RAP1GAP2: variants seen among roughly 807,000 people sequenced by gnomAD.
RAP1GAP2 encodes the protein rap1 GTPase-activating protein 2.
RAP1GAP2 carries 27 observed loss-of-function variants against 95.0 expected under a neutral mutation model. The observed-to-expected ratio is 0.28, with a 90% CI of 0.21 to 0.39. The LOEUF (loss-of-function observed/expected upper bound fraction) is 0.39, where lower values mean the gene tolerates loss of function less well. RAP1GAP2 is among the 10% of genes least tolerant of loss of function. The probability of loss-of-function intolerance (pLI) is 1.00; values close to 1 mark genes in which losing one functional copy is unlikely to be tolerated. For missense variants in RAP1GAP2, 771 were observed against 970.0 expected (o/e 0.79, Z 2.72); for synonymous variants, 373 against 380.9 (o/e 0.98, Z 0.24).
At chr17:2,837,607 C>CTT (rs36019609) in intron 2 of RAP1GAP2, among the ~76,000 whole-genome samples, 3 of 122,166 alleles carry the variant, frequency 2.5e-5, no homozygotes, top group Admixed American at 8.5e-5. Flanking sequence ...AGCCCTGCTT[C>CTT]TTTTTTTTTT....
At position 2,892,482 on chromosome 17, in the gene RAP1GAP2, G is replaced by A. The variant is rs531620007; in HGVS notation, c.81-12802G>A. 2.0e-4 allele frequency among the ~76,000 whole-genome samples: 30 copies of A among 152,218 alleles called. No homozygotes were observed. In the South Asian group the frequency reaches 4.4e-3, roughly 22 times the overall value. On this transcript the variant is annotated intron_variant, in intron 2 of 24. Coordinates refer to ENST00000254695, the MANE Select transcript of RAP1GAP2 (RefSeq NM_015085.5). ...GGCTCAGATGGCTGGAGATGACTGC[G>A]ACGGTCCACTGGGGCTGTATGTCCG...
chr17:2,798,643 T>G (rs2069160652), intron 1 of RAP1GAP2, among the ~76,000 whole-genome samples: 1 of 14,982 alleles, frequency 6.7e-5, no homozygotes, highest in African/African-American at 2.6e-4. Flanking sequence ...GACAAGGTGA[T>G]GAGGGTGGGT....
At position 2,904,530 on chromosome 17, in the gene RAP1GAP2, C is replaced by CTGTGTGTGTGTGTGTGTGTGTGTGTG. The variant is rs5818880; in HGVS notation, c.81-740_81-715dup. On this transcript the variant is annotated intron_variant, in intron 2 of 24. Coordinates refer to ENST00000254695, the MANE Select transcript of RAP1GAP2 (RefSeq NM_015085.5). The surrounding 1 kb of genome is among the most constrained non-coding windows in gnomAD (Gnocchi z 4.7). ...CCGAGGACAGCTTTTTGACCAGGGC[C>CTGTGTGTGTGTGTGTGTGTGTGTGTG]TGTGTGTGTGTGTGTGTGTGTGTGT... 1.4e-3 allele frequency among the ~76,000 whole-genome samples: 176 copies of CTGTGTGTGTGTGTGTGTGTGTGTGTG among 129,152 alleles called. 6 individuals are homozygous for CTGTGTGTGTGTGTGTGTGTGTGTGTG. Among genetic ancestry groups the CTGTGTGTGTGTGTGTGTGTGTGTGTG allele is most frequent in the Admixed American group, 3.8e-3 (48 of 12,688 alleles). The allele number at this position is 129,152 out of a possible 152,430, so 84.7% of individuals were successfully genotyped here.
chr17:2,782,760 A>G (rs2068688020), intron 1 of RAP1GAP2, among the ~76,000 whole-genome samples: 1 of 152,162 alleles, frequency 6.6e-6, no homozygotes, highest in Admixed American at 6.5e-5. Flanking sequence ...CCATGCCTGT[A>G]ATCCCAGCAC....
At chr17:2,837,808 G>C (rs1334806973) in intron 2 of RAP1GAP2, among the ~76,000 whole-genome samples, 2 of 151,326 alleles carry the variant, frequency 1.3e-5, no homozygotes, top group East Asian at 3.9e-4. Flanking sequence ...GGGTTTCGCC[G>C]TGTTAGCCAG....
At chr17:2,964,184 T>G (rs1597737558) in intron 7 of RAP1GAP2, 116 bp downstream of exon 7, 1 of 809,532 alleles carries the variant, frequency 1.2e-6, no homozygotes, top group Non-Finnish European at 1.7e-6. Context: ...TGTGGGAGGC[T>G]GTGGGAGAGG....
chr17:2,762,075 G>A (rs1415697154), intron 1 of RAP1GAP2, among the ~76,000 whole-genome samples: 2 of 127,292 alleles, frequency 1.6e-5, no homozygotes, highest in Non-Finnish European at 3.1e-5. Flanking sequence ...TGCAAGCTCC[G>A]CCTCCCAGGT....
intron 2 of RAP1GAP2, among the ~76,000 whole-genome samples, chr17:2,807,919 G>A (rs1010788608): frequency 1.1e-4 from 16 of 152,158 alleles, no homozygotes; most frequent in African/African-American, 3.6e-4. Context: ...AGACAGCCAC[G>A]TAAAGAGGTC....
In RAP1GAP2 at chr17:3,020,593, A is replaced by G. The variant is rs764041393; in HGVS notation, c.1749A>G (p.Arg583=). Residue 583 remains arginine (R), a splice_region_variant and synonymous_variant, in exon 19 of 25, where the codon CGA becomes CGG. Transcript: ENST00000254695. ...AAGGCCAGGGCGACAGCCGGGCACG[A>G]TGGTAACTGTTGGGAAACCCCTACC... The part of the protein sequence containing the change: ...GSEGQGDSRA[R]CDSTSSTPKT... The G allele has an allele frequency of 1.1e-4, 178 of 1,612,996 alleles. No homozygotes were observed. The highest frequency in any genetic ancestry group is 1.4e-4 in the Non-Finnish European group (163 of 1,179,584).
At chr17:2,823,648 A>C (rs1484721010) in intron 2 of RAP1GAP2, among the ~76,000 whole-genome samples, 1 of 152,132 alleles carries the variant, frequency 6.6e-6, no homozygotes. Flanking sequence ...CAGCTCACAC[A>C]CACATCCAGT....
At chr17:2,885,667 T>A (rs1193369359) in intron 2 of RAP1GAP2, among the ~76,000 whole-genome samples, 4 of 152,194 alleles carry the variant, frequency 2.6e-5, no homozygotes, top group African/African-American at 9.7e-5. Flanking sequence ...CCTTTTCACT[T>A]GGGTGATTTT....
chr17:2,954,177 T>C (rs1202116175), intron 3 of RAP1GAP2, among the ~76,000 whole-genome samples: 1 of 152,196 alleles, frequency 6.6e-6, no homozygotes, highest in East Asian at 1.9e-4. Flanking sequence ...CGATCTTGGC[T>C]CACTGCAGGC....
chr17:3,001,966 TC>T (rs914267644), intron 14 of RAP1GAP2, among the ~76,000 whole-genome samples: 1 of 136,952 alleles, frequency 7.3e-6, no homozygotes, highest in African/African-American at 2.6e-5. Context: ...ACTCTTCTTC[TC>T]CTTTTTTTTT....
intron 3 of RAP1GAP2, among the ~76,000 whole-genome samples, chr17:2,929,927 C>T (rs777887608): frequency 1.3e-5 from 2 of 152,168 alleles, no homozygotes; most frequent in African/African-American, 4.8e-5. Flanking sequence ...TCCTTCAGGC[C>T]TCGGCGGGGG....
At chr17:2,970,583 C>CTGAT (rs2044824642) in intron 8 of RAP1GAP2, among the ~76,000 whole-genome samples, 1 of 152,106 alleles carries the variant, frequency 6.6e-6, no homozygotes, top group Non-Finnish European at 1.5e-5. Context: ...TTTTGCCCGT[C>CTGAT]TGATAGATGA....
chr17:3,013,904 G>A (rs1237421343), intron 17 of RAP1GAP2, among the ~76,000 whole-genome samples: 1 of 152,170 alleles, frequency 6.6e-6, no homozygotes, highest in African/African-American at 2.4e-5. Context: ...AATAGATCTT[G>A]TATGTGAAGC....
chr17:2,794,227 G>A (rs2069006587), upstream of RAP1GAP2, among the ~76,000 whole-genome samples: 1 of 152,140 alleles, frequency 6.6e-6, no homozygotes, highest in Non-Finnish European at 1.5e-5. Flanking sequence ...GCTTCAGCAG[G>A]GGAAGCCTCT....
chr17:2,762,002 T>A (rs2071260355), intron 1 of RAP1GAP2, among the ~76,000 whole-genome samples: 1 of 136,652 alleles, frequency 7.3e-6, no homozygotes. Flanking sequence ...TTTTTTTTTT[T>A]TTTTGAGACG....
intron 19 of RAP1GAP2, 98 bp downstream of exon 19, chr17:3,020,693 C>A: frequency 9.4e-7 from 1 of 1,064,918 alleles, no homozygotes; most frequent in Non-Finnish European, 1.4e-6. Context: ...CAGGGAGGAG[C>A]TTTGCTCAGC....
Sources: allele counts gnomAD v4.1 joint callset (sites outside exome capture counted in the v4.1 genomes callset), GRCh38; gene constraint gnomAD v4.1.1; non-coding constraint Gnocchi (gnomAD v3.1); transcripts MANE v1.5; gene names NCBI Gene and HGNC (gene_info 2026-07-23, HGNC 2026-07-21).